Variants in ASZ1 observed in about 807,000 individuals in gnomAD.
ASZ1 encodes the protein ankyrin repeat, SAM and basic leucine zipper domain containing 1, also known as ankyrin repeat, SAM and basic leucine zipper domain-containing protein 1.
Under a neutral mutation model 61.8 loss-of-function variants are expected in ASZ1, and 67 were observed. That is an observed-to-expected ratio of 1.08 (90% CI 0.89 to 1.33). The LOEUF (loss-of-function observed/expected upper bound fraction) is 1.33, where lower values mean the gene tolerates loss of function less well. Ranked by LOEUF, ASZ1 falls within the 40% of genes most tolerant of loss-of-function variation. The pLI, the probability that ASZ1 is intolerant of heterozygous loss-of-function variation, is 0.00. For missense variants in ASZ1, 577 were observed against 554.5 expected, an observed-to-expected ratio of 1.04 and a Z score of -0.41; for synonymous variants, 193 against 192.7, an observed-to-expected ratio of 1.00 and a Z score of -0.01.
intron 4 of ASZ1, among the ~76,000 whole-genome samples, chr7:117,386,331 G>C (rs1458155764): frequency 6.6e-6 from 1 of 152,090 alleles, no homozygotes; most frequent in African/African-American, 2.4e-5. Context: ...TTCTGACTGG[G>C]AGACTTACTA....
intron 4 of ASZ1, among the ~76,000 whole-genome samples, chr7:117,409,504 G>T (rs2116516231): frequency 1.3e-5 from 2 of 151,830 alleles, no homozygotes; most frequent in South Asian, 4.2e-4. Flanking sequence ...AAGGGATAAA[G>T]AAAAATGAAT....
At chr7:117,400,691 TGAA>T (rs1340035006) in intron 4 of ASZ1, among the ~76,000 whole-genome samples, 2 of 152,172 alleles carry the variant, frequency 1.3e-5, no homozygotes, top group Non-Finnish European at 2.9e-5. Context: ...TTTCAGGGGC[TGAA>T]GAAGACTACA....
At chr7:117,404,188 G>A (rs1351615098) in intron 4 of ASZ1, among the ~76,000 whole-genome samples, 1 of 152,006 alleles carries the variant, frequency 6.6e-6, no homozygotes, top group East Asian at 1.9e-4. Context: ...CTGAGGCCTT[G>A]GCCTTTATCT....
At chr7:117,418,182 A>C (rs1797032331) in intron 4 of ASZ1, among the ~76,000 whole-genome samples, 1 of 152,198 alleles carries the variant, frequency 6.6e-6, no homozygotes, top group Admixed American at 6.5e-5. Context: ...GAAAGTGAAG[A>C]GCACCAAGCA....
intron 2 of ASZ1, among the ~76,000 whole-genome samples, chr7:117,426,595 G>A (rs1584748076): frequency 6.6e-6 from 1 of 151,924 alleles, no homozygotes; most frequent in South Asian, 2.1e-4. Flanking sequence ...TAGGATTAGA[G>A]TAGGCCTCTT....
chr7:117,380,978 A>G (rs371414120), intron 9 of ASZ1, 33 bp downstream of exon 9: 1 of 1,517,542 alleles, frequency 6.6e-7, no homozygotes, highest in Non-Finnish European at 9.0e-7. Context: ...AACATCAAAC[A>G]ATGTATCGGG....
chr7:117,416,566 A>T (rs1395584288), intron 4 of ASZ1, among the ~76,000 whole-genome samples: 1 of 152,202 alleles, frequency 6.6e-6, no homozygotes, highest in Non-Finnish European at 1.5e-5. Context: ...AACAGAAAAA[A>T]TTTATAGTGG....
intron 12 of ASZ1, among the ~76,000 whole-genome samples, chr7:117,365,995 GGC>G (rs1186153308): frequency 6.6e-6 from 1 of 152,244 alleles, no homozygotes; most frequent in Non-Finnish European, 1.5e-5. Context: ...CAGGCGCAAT[GGC>G]GCACACCAGT....
intron 4 of ASZ1, among the ~76,000 whole-genome samples, chr7:117,406,126 T>C (rs930799848): frequency 6.6e-6 from 1 of 152,174 alleles, no homozygotes; most frequent in Non-Finnish European, 1.5e-5. Context: ...GCATAGAAGC[T>C]TTCAGTAAAA....
intron 12 of ASZ1, among the ~76,000 whole-genome samples, chr7:117,365,170 C>A (rs9886209): frequency 0.25 from 38,543 of 152,054 alleles, 5,110 homozygotes; most frequent in Non-Finnish European, 0.28. Context: ...AACCAACCCA[C>A]TAGCTTGCTC....
chr7:117,410,934 GTGT>G (rs908302469), intron 4 of ASZ1, among the ~76,000 whole-genome samples: 1 of 151,604 alleles, frequency 6.6e-6, no homozygotes, highest in Non-Finnish European at 1.5e-5. Context: ...TAATCAGTGT[GTGT>G]TAACATTATT....
Position 117,427,449 on chromosome 7 carries a change from G to C in ASZ1, c.12C>G (p.Ser4Arg), listed in dbSNP as rs763372223. MAA[S>R]ALRGLPVAGG... ...CAGCCACTGGCAGGCCTCGCAGCGC[G>C]CTCGCCGCCATGCCAGCCAAGGAAG... Residue 4 changes from serine to arginine, a missense_variant, in exon 1 of 13, where the codon AGC becomes AGG. Physicochemically the swap from Ser to Arg is moderately radical, Grantham distance 110. Transcript: ENST00000284629. The C allele has an allele frequency of 4.3e-6, 7 of 1,613,744 alleles. No individual in the cohort carries two copies. The highest frequency in any genetic ancestry group is 5.9e-6 in the Non-Finnish European group (7 of 1,179,894).
At chr7:117,417,603 C>T (rs1797021082) in intron 4 of ASZ1, among the ~76,000 whole-genome samples, 1 of 152,134 alleles carries the variant, frequency 6.6e-6, no homozygotes, top group African/African-American at 2.4e-5. Flanking sequence ...CACGCTATCC[C>T]ACCATGTCCC....
At chr7:117,398,386 A>G (rs967907627) in intron 4 of ASZ1, among the ~76,000 whole-genome samples, 3 of 152,218 alleles carry the variant, frequency 2.0e-5, no homozygotes, top group African/African-American at 7.2e-5. Context: ...GTTGCCAAAG[A>G]TGTTCACTGA....
In ASZ1 at chr7:117,397,990, A is replaced by G. The variant is rs542132035; in HGVS notation, c.441-12181T>C. 3.3e-5 allele frequency among the ~76,000 whole-genome samples: 5 copies of G among 152,374 alleles called. No homozygotes were observed. The East Asian group carries it at 9.6e-4, about 29-fold the overall frequency. On this transcript the variant is annotated intron_variant, in intron 4 of 12. Transcript: ENST00000284629. ...AGTGGGTAGCCAATAGGGACCTCAA[A>G]AAGGGTACTTAAACCCCAGAAAACC...
At chr7:117,394,366 G>A (rs1017006258) in intron 4 of ASZ1, among the ~76,000 whole-genome samples, 1 of 152,174 alleles carries the variant, frequency 6.6e-6, no homozygotes, top group Non-Finnish European at 1.5e-5. Flanking sequence ...TTACAGTGGT[G>A]AGCCAAGCCT....
intron 9 of ASZ1, among the ~76,000 whole-genome samples, chr7:117,380,321 A>G (rs1311537970): frequency 1.3e-5 from 2 of 151,844 alleles, no homozygotes; most frequent in African/African-American, 4.8e-5. Context: ...CTAGAACTTA[A>G]TATGTAATAT....
At chr7:117,399,941 T>G (rs553924726) in intron 4 of ASZ1, among the ~76,000 whole-genome samples, 27 of 152,340 alleles carry the variant, frequency 1.8e-4, no homozygotes, top group Non-Finnish European at 3.7e-4. Context: ...TAAACTTTAT[T>G]TCTGGATGAT....
chr7:117,423,734 T>C (rs1381387468), intron 2 of ASZ1, among the ~76,000 whole-genome samples: 1 of 143,428 alleles, frequency 7.0e-6, no homozygotes, highest in Non-Finnish European at 1.5e-5. Flanking sequence ...TGGTGGTGGG[T>C]GCCTGTAGTC....
Sources: gnomAD v4.1 joint callset for allele counts (sites outside exome capture counted in the v4.1 genomes callset) on GRCh38, gnomAD v4.1.1 for gene constraint, MANE v1.5 for transcripts, NCBI Gene and HGNC (gene_info 2026-07-23, HGNC 2026-07-21) for gene names.